The following CASP4 variants were observed in gnomAD, a reference collection of about 807,000 sequenced individuals.
CASP4 encodes the protein caspase-4.
Under a neutral mutation model 41.3 loss-of-function variants are expected in CASP4, and 29 were observed. That is an observed-to-expected ratio of 0.70 (90% CI 0.52 to 0.96). The LOEUF (loss-of-function observed/expected upper bound fraction) is 0.96. Among genes scored for constraint, CASP4 ranks in the 40% least tolerant of loss-of-function variants. CASP4 has a pLI of 0.00. For synonymous variants in CASP4, 185 were observed against 158.4 expected (o/e 1.17, Z -1.26); for missense variants, 447 against 460.6 (o/e 0.97, Z 0.27).
At chr11:104,963,854 G>C (rs1308854609) in intron 1 of CASP4, among the ~76,000 whole-genome samples, 1 of 152,098 alleles carries the variant, frequency 6.6e-6, no homozygotes, top group Admixed American at 6.6e-5. Flanking sequence ...TCATTTTGGA[G>C]ATCTGTCTTT....
rs61749014 is a variant in CASP4, at chr11:104,950,981, C to T, written c.490G>A (p.Glu164Lys). 501 of 1,613,270 alleles carry T rather than the reference C, an allele frequency of 3.1e-4. 3 individuals are homozygous for T. Among genetic ancestry groups the T allele is most frequent in the Admixed American group, 8.3e-5 (5 of 59,908 alleles). Reference protein sequence around the residue: ...GADFDITGMKELLEGLDYSVD... With the variant: ...GADFDITGMKKLLEGLDYSVD... ...CTATAGTCCAGACCCTCAAGTAGCT[C>T]CTTCATCCCTGTGATGTCAAAGTCA... Residue 164 changes from glutamate (E) to lysine (K), a missense_variant, in exon 4 of 9, where the codon GAG becomes AAG. By Grantham distance (56) the Glu-to-Lys change is moderately conservative. Coordinates refer to ENST00000444739, the MANE Select transcript of CASP4 (RefSeq NM_001225.4).
At chr11:104,964,173 T>A (rs1368032648) in intron 1 of CASP4, among the ~76,000 whole-genome samples, 1 of 152,218 alleles carries the variant, frequency 6.6e-6, no homozygotes, top group East Asian at 1.9e-4. Flanking sequence ...CACAGACATT[T>A]TGTCTTGCTT....
rs368899059 is a variant in CASP4 at position 104,954,871 on chromosome 11, G to A, written c.138C>T (p.Tyr46=). 47 of 1,613,594 alleles carry A rather than the reference G, an allele frequency of 2.9e-5. No homozygotes were observed. The highest frequency in any genetic ancestry group is 2.3e-4 in the Admixed American group (14 of 59,918). Residue 46 remains tyrosine (Y), a synonymous_variant, in exon 2 of 9, where the codon TAC becomes TAT. Transcript: ENST00000444739. ...NWKEEEKKKY[Y]DAKTEDKVRV... ...GAACTTTGTCTTCAGTTTTAGCATC[G>A]TAATATTTCTTTTTTTCCTCTTCCT...
chr11:104,963,434 A>G (rs903963563), intron 1 of CASP4, among the ~76,000 whole-genome samples: 11 of 152,366 alleles, frequency 7.2e-5, no homozygotes, highest in Middle Eastern at 6.8e-3. Flanking sequence ...AATTAAAAGT[A>G]GATGGATCAC....
chr11:104,950,056 CTA>C (rs1462950645), intron 4 of CASP4, among the ~76,000 whole-genome samples: 1 of 152,118 alleles, frequency 6.6e-6, no homozygotes, highest in Admixed American at 6.6e-5. Flanking sequence ...TCTCAATCTT[CTA>C]TCTCCTTACC....
chr11:104,956,719 T>C, intron 1 of CASP4: 2 of 799,080 alleles, frequency 2.5e-6, no homozygotes, highest in Non-Finnish European at 3.0e-6. Context: ...GCAAAAATGT[T>C]AGTCTTGCAA....
chr11:104,956,158 T>C (rs1352072763), intron 1 of CASP4, among the ~76,000 whole-genome samples: 2 of 152,142 alleles, frequency 1.3e-5, no homozygotes, highest in African/African-American at 4.8e-5. Context: ...ATTATTATAA[T>C]CATCATTATC....
chr11:104,950,700 A>G (rs1226726876), intron 4 of CASP4, among the ~76,000 whole-genome samples: 1 of 152,050 alleles, frequency 6.6e-6, no homozygotes, highest in Admixed American at 6.6e-5. Flanking sequence ...AAATGTGAAA[A>G]CACGTGTCAA....
At chr11:104,945,252 CT>C (rs150869769) in intron 7 of CASP4, among the ~76,000 whole-genome samples, 18 of 142,460 alleles carry the variant, frequency 1.3e-4, no homozygotes, top group African/African-American at 4.4e-4. Flanking sequence ...TCTTATCTTT[CT>C]TTTTTTTTTT....
At chr11:104,957,635 G>T (rs1860765724) in intron 1 of CASP4, among the ~76,000 whole-genome samples, 1 of 152,022 alleles carries the variant, frequency 6.6e-6, no homozygotes, top group Non-Finnish European at 1.5e-5. Context: ...AACTGAAGAA[G>T]ACAAAAATAA....
rs749300035 is a variant in CASP4, at chr11:104,951,904, CTCTT to C, written c.360_363del (p.Arg121LeufsTer7). ...TATAGATAGCATAGCACCTCTTCAG[CTCTT>C]TCTTTACATAGTCTCAGGAATTCTT... On this transcript the variant is annotated frameshift_variant, in exon 3 of 9. Coordinates refer to ENST00000444739, the MANE Select transcript of CASP4 (RefSeq NM_001225.4). LOFTEE classifies it high-confidence loss of function. The C allele has an allele frequency of 1.2e-6, 2 of 1,603,616 alleles. No homozygotes were observed. Among genetic ancestry groups the C allele is most frequent in the Non-Finnish European group, 1.7e-6 (2 of 1,171,246 alleles).
chr11:104,951,411 A>G (rs1860610482), intron 3 of CASP4: 2 of 254,978 alleles, frequency 7.8e-6, no homozygotes, highest in Non-Finnish European at 7.5e-6. Context: ...GTTGTCGTTG[A>G]CTCCAGTGAA....
chr11:104,949,088 G>T (rs889356441), intron 5 of CASP4: 1 of 228,036 alleles, frequency 4.4e-6, no homozygotes, highest in Non-Finnish European at 8.7e-6. Flanking sequence ...GAGCAAAGTG[G>T]CACTGCAACA....
At position 104,944,832 on chromosome 11, in the gene CASP4, G is replaced by A. The variant is rs1860416577; in HGVS notation, c.1055C>T (p.Thr352Ile). Residue 352 changes from threonine to isoleucine, a missense_variant, in exon 8 of 9, where the codon ACT (threonine) becomes ATT (isoleucine). Coordinates refer to ENST00000444739, the MANE Select transcript of CASP4 (RefSeq NM_001225.4). ...GGGCATTTGAGCTTTGGCCCTTGGA[G>A]TTTCAAATGATTGCTGTACCTGAAA... ...VFRKVQQSFE[T>I]PRAKAQMPTI... is the part of the protein sequence containing the mutation. The A allele has an allele frequency of 1.2e-6, 2 of 1,612,460 alleles. No homozygotes were observed. The highest frequency in any genetic ancestry group is 1.1e-5 in the South Asian group (1 of 91,044).
intron 1 of CASP4, among the ~76,000 whole-genome samples, chr11:104,958,652 T>G (rs1385641503): frequency 1.3e-5 from 2 of 151,968 alleles, no homozygotes; most frequent in South Asian, 4.2e-4. Flanking sequence ...AAGAAACTCT[T>G]GTACACTGTT....
intron 1 of CASP4, among the ~76,000 whole-genome samples, chr11:104,964,215 G>T (rs192417239): frequency 1.5e-4 from 23 of 152,208 alleles, no homozygotes; most frequent in Admixed American, 1.4e-3. Context: ...TTATAATCAG[G>T]TATAGGACTC....
At position 104,953,753 on chromosome 11, in the gene CASP4, T is replaced by A. The variant is rs550373781; in HGVS notation, c.262+994A>T. Among the ~76,000 whole-genome samples the A allele has an allele frequency of 3.3e-5, 5 of 152,254 alleles. No individual in the cohort carries two copies. In the East Asian group the frequency reaches 9.6e-4, roughly 29 times the overall value. On this transcript the variant is annotated intron_variant, in intron 2 of 8. Coordinates refer to ENST00000444739, the MANE Select transcript of CASP4 (RefSeq NM_001225.4). ...TCATGGCTCAAGATTTCAGCTTAAA[T>A]TCTGGGGGGTATTGAGTCTGTCTCT...
At chr11:104,959,972 C>T (rs890035746) in intron 1 of CASP4, among the ~76,000 whole-genome samples, 16 of 152,286 alleles carry the variant, frequency 1.1e-4, no homozygotes, top group East Asian at 5.8e-4. Context: ...CTCTTTGCAA[C>T]GAAGAGTGTT....
At chr11:104,962,483 A>G (rs1254209172) in intron 1 of CASP4, among the ~76,000 whole-genome samples, 1 of 152,136 alleles carries the variant, frequency 6.6e-6, no homozygotes, top group Non-Finnish European at 1.5e-5. Flanking sequence ...GTGTTCTGTA[A>G]TGGAAAGAGG....
Sources: allele counts gnomAD v4.1 joint callset (sites outside exome capture counted in the v4.1 genomes callset), GRCh38; gene constraint gnomAD v4.1.1; transcripts MANE v1.5; gene names NCBI Gene and HGNC (gene_info 2026-07-23, HGNC 2026-07-21).